CNTLN: variants seen among roughly 807,000 people sequenced by gnomAD.
The protein encoded by CNTLN is centlein, centrosomal protein.
CNTLN carries 212 observed loss-of-function variants against 180.0 expected under a neutral mutation model. The observed-to-expected ratio is 1.18, with a 90% CI of 1.05 to 1.32. The LOEUF is 1.32. Ranked by LOEUF, CNTLN falls within the 40% of genes most tolerant of loss-of-function variation. CNTLN has a pLI of 0.00. For synonymous variants in CNTLN, 722 were observed against 563.1 expected (o/e 1.28, Z -3.99); for missense variants, 2,095 against 1,610.9 (o/e 1.30, Z -5.14).
At chr9:17,216,886 A>G (rs1179124607) in intron 2 of CNTLN, among the ~76,000 whole-genome samples, 1 of 152,226 alleles carries the variant, frequency 6.6e-6, no homozygotes, top group Admixed American at 6.5e-5. Flanking sequence ...TGCCAGAATT[A>G]TGCCATCTGG....
At chr9:17,250,929 T>G (rs115442295) in intron 5 of CNTLN, among the ~76,000 whole-genome samples, 2,049 of 152,210 alleles carry the variant, frequency 0.013, 49 homozygotes, top group African/African-American at 0.047. Context: ...GCATTTCTTG[T>G]AGTGCATCTG....
intron 22 of CNTLN, among the ~76,000 whole-genome samples, chr9:17,466,426 G>T (rs1588060475): frequency 6.6e-6 from 1 of 151,370 alleles, no homozygotes; most frequent in East Asian, 1.9e-4. Context: ...CAAACTAAAT[G>T]TTTCCATGTT....
At chr9:17,263,750 T>C (rs145190003) in intron 5 of CNTLN, among the ~76,000 whole-genome samples, 1 of 142,962 alleles carries the variant, frequency 7.0e-6, no homozygotes, top group Non-Finnish European at 1.5e-5. Flanking sequence ...TGGTGTGAGA[T>C]GGTATCTCAT....
the CNTLN span, among the ~76,000 whole-genome samples, chr9:17,513,575 T>G: frequency 1.3e-5 from 2 of 152,090 alleles, no homozygotes; most frequent in Non-Finnish European, 2.9e-5. Flanking sequence ...CATGCACCTG[T>G]AGTCCCAGCT....
At chr9:17,152,079 CTA>C (rs1818926039) in intron 2 of CNTLN, among the ~76,000 whole-genome samples, 1 of 152,108 alleles carries the variant, frequency 6.6e-6, no homozygotes, top group Non-Finnish European at 1.5e-5. Flanking sequence ...GGCTAGCAGT[CTA>C]TCTGTTTTGT....
chr9:17,358,925 G>C lies in CNTLN; in HGVS notation c.1887-7692G>C, dbSNP rs149089804. ...AGATTGATTATAGTCTAAATGTGAA[G>C]GGTTAAGCAGTAAAGCTTTTAGAGG... On this transcript the variant is annotated intron_variant, in intron 12 of 25. Coordinates refer to ENST00000380647, the MANE Select transcript of CNTLN (RefSeq NM_017738.4). 3.7e-3 allele frequency among the ~76,000 whole-genome samples: 561 copies of C among 152,226 alleles called. 1 individual carries two copies. The highest frequency in any genetic ancestry group is 0.012 in the African/African-American group (497 of 41,536).
chr9:17,142,065 G>GAGC (rs1818140145), intron 1 of CNTLN, among the ~76,000 whole-genome samples: 1 of 141,304 alleles, frequency 7.1e-6, no homozygotes, highest in Admixed American at 7.4e-5. Flanking sequence ...CTGGGCGACA[G>GAGC]AGCAAGACTC....
chr9:17,256,541 T>C (rs541825892), intron 5 of CNTLN, among the ~76,000 whole-genome samples: 7 of 151,306 alleles, frequency 4.6e-5, no homozygotes, highest in Non-Finnish European at 8.8e-5. Context: ...TCATGATTGT[T>C]GGCTGTTTGT....
intron 8 of CNTLN, among the ~76,000 whole-genome samples, chr9:17,317,557 C>G (rs1482849569): frequency 1.4e-5 from 2 of 138,756 alleles, no homozygotes; most frequent in African/African-American, 4.9e-5. Context: ...GGGTTACCAT[C>G]TGATAAGCAC....
the CNTLN span, among the ~76,000 whole-genome samples, chr9:17,526,346 CTG>C: frequency 6.6e-6 from 1 of 152,202 alleles, no homozygotes; most frequent in Non-Finnish European, 1.5e-5. Context: ...ATTCTCTAAA[CTG>C]TAATTAAGTA....
rs75087089 is a variant in CNTLN at position 17,255,307 on chromosome 9, A to G, written c.850-18426A>G. On this transcript the variant is annotated intron_variant, in intron 5 of 25. Coordinates refer to ENST00000380647, the MANE Select transcript of CNTLN (RefSeq NM_017738.4). The stretch of plus-strand genomic sequence containing the variant: ...TTTTAGTCTTTCACTATTGAGTATG[A>G]TGTTAGCTATAGGCTTTTTGTATTT... 5.1e-3 allele frequency among the ~76,000 whole-genome samples: 781 copies of G among 151,842 alleles called. 5 individuals carry two copies. The highest frequency in any genetic ancestry group is 0.018 in the African/African-American group (749 of 41,490).
At chr9:17,472,877 A>G (rs1364656740) in intron 23 of CNTLN, among the ~76,000 whole-genome samples, 1 of 152,024 alleles carries the variant, frequency 6.6e-6, no homozygotes, top group African/African-American at 2.4e-5. Flanking sequence ...CCTGATCGTA[A>G]CTCAAATTCA....
At chr9:17,485,052 G>T (rs1185021642) in intron 24 of CNTLN, among the ~76,000 whole-genome samples, 1 of 151,988 alleles carries the variant, frequency 6.6e-6, no homozygotes, top group African/African-American at 2.4e-5. Flanking sequence ...GCACCTCTTG[G>T]GAAAGACACT....
chr9:17,430,520 A>G (rs1399335482), intron 18 of CNTLN, among the ~76,000 whole-genome samples: 1 of 152,054 alleles, frequency 6.6e-6, no homozygotes, highest in Non-Finnish European at 1.5e-5. Flanking sequence ...TATAATATCC[A>G]TGATCTCAAA....
Position 17,415,947 on chromosome 9 carries a change from C to T in CNTLN, c.2891-19C>T, listed in dbSNP as rs565841859. 19 of 1,589,662 alleles carry T rather than the reference C, an allele frequency of 1.2e-5. No individual in the cohort carries two copies. In the African/African-American group the frequency reaches 2.4e-4, roughly 20 times the overall value. On this transcript the variant is annotated intron_variant, in intron 17 of 25. Coordinates refer to ENST00000380647, the MANE Select transcript of CNTLN (RefSeq NM_017738.4). ...TTAAATCTAATTTTTAAAATATGAA[C>T]AATATTGTTTTTATGTAGTCAACAG...
intron 6 of CNTLN, among the ~76,000 whole-genome samples, chr9:17,290,543 C>T (rs934173989): frequency 7.1e-6 from 1 of 141,342 alleles, no homozygotes; most frequent in African/African-American, 2.6e-5. Context: ...CCACCCAGTT[C>T]GAGCTTCCTG....
intron 18 of CNTLN, among the ~76,000 whole-genome samples, chr9:17,419,669 A>G (rs1190807829): frequency 6.6e-6 from 1 of 152,176 alleles, no homozygotes; most frequent in Non-Finnish European, 1.5e-5. Flanking sequence ...AATAGAAAGC[A>G]TATATAAGAA....
intron 2 of CNTLN, among the ~76,000 whole-genome samples, chr9:17,143,825 A>G (rs1818270085): frequency 1.3e-5 from 2 of 152,176 alleles, no homozygotes; most frequent in South Asian, 4.1e-4. Context: ...GTGTTCTGGA[A>G]TAGGTTAAAG....
At chr9:17,230,346 C>T (rs1824734509) in intron 3 of CNTLN, among the ~76,000 whole-genome samples, 1 of 152,024 alleles carries the variant, frequency 6.6e-6, no homozygotes, top group Admixed American at 6.6e-5. Context: ...TTTGTTTGGT[C>T]AAACCTATTA....
Sources: gnomAD v4.1 joint callset for allele counts (sites outside exome capture counted in the v4.1 genomes callset) on GRCh38, gnomAD v4.1.1 for gene constraint, MANE v1.5 for transcripts, NCBI Gene and HGNC (gene_info 2026-07-23, HGNC 2026-07-21) for gene names.